The following CORO7 variants were observed in gnomAD, a reference collection of about 807,000 sequenced individuals.
The protein encoded by CORO7 is coronin-7.
CORO7 carries 107 observed loss-of-function variants against 126.6 expected under a neutral mutation model. The ratio of observed to expected loss-of-function variants is 0.85; its 90% CI spans 0.72 to 0.99. CORO7 has a LOEUF of 0.99. Among genes scored for constraint, CORO7 ranks in the 50% least tolerant of loss-of-function variants. CORO7 has a pLI of 0.00. For missense variants in CORO7, 1,314 were observed against 1,255.8 expected (o/e 1.05, Z -0.70); for synonymous variants, 603 against 536.8 (o/e 1.12, Z -1.70).
At chr16:4,388,737 A>G in intron 7 of CORO7, 106 bp from the exon 8 acceptor site, 1 of 1,241,462 alleles carries the variant, frequency 8.1e-7, no homozygotes, top group Non-Finnish European at 1.1e-6. Flanking sequence ...CCTGCCTGAA[A>G]GCCTCACAGA....
chr16:4,375,956 T>G (rs911616964), intron 9 of CORO7, among the ~76,000 whole-genome samples: 1 of 152,156 alleles, frequency 6.6e-6, no homozygotes, highest in Non-Finnish European at 1.5e-5. Flanking sequence ...ACAAAGCGTG[T>G]GAGTGCCTGA....
intron 5 of CORO7, among the ~76,000 whole-genome samples, chr16:4,406,421 G>A (rs1435494189): frequency 6.6e-6 from 1 of 152,094 alleles, no homozygotes; most frequent in Non-Finnish European, 1.5e-5. Context: ...TCAGCCTCTT[G>A]AGTACCTGGG....
At chr16:4,395,924 G>A (rs1157437039) in intron 6 of CORO7, among the ~76,000 whole-genome samples, 33 of 152,046 alleles carry the variant, frequency 2.2e-4, no homozygotes, top group East Asian at 2.1e-3. Context: ...AGAAAAAAAT[G>A]TACTGAAATA....
chr16:4,365,145 C>T, intron 10 of CORO7, 85 bp from the exon 11 acceptor site: 1 of 1,532,324 alleles, frequency 6.5e-7, no homozygotes, highest in Non-Finnish European at 8.8e-7. Flanking sequence ...CCACAGGTCC[C>T]CAAGGACCTG....
intron 7 of CORO7, 93 bp from the exon 8 acceptor site, chr16:4,388,724 C>T (rs1326964101): frequency 5.9e-6 from 8 of 1,354,138 alleles, no homozygotes; most frequent in Admixed American, 2.1e-5. Context: ...CTTCTGCTGC[C>T]CACCTGCCTG....
chr16:4,406,745 T>C lies in CORO7; in HGVS notation c.487+756A>G, dbSNP rs371588907. Reference sequence around the variant, plus strand: ...ACCTCTGCCTCCTGGGTTCAGGCAATTCTCCTGCCTCAGCCTCCTGAGTAG... The same window carrying C: ...ACCTCTGCCTCCTGGGTTCAGGCAACTCTCCTGCCTCAGCCTCCTGAGTAG... On this transcript the variant is annotated intron_variant, in intron 5 of 27. Transcript: ENST00000251166. Among the ~76,000 whole-genome samples the C allele has an allele frequency of 3.3e-5, 5 of 151,988 alleles. No homozygotes were observed. The East Asian group carries it at 7.7e-4, about 23-fold the overall frequency.
At chr16:4,356,985 A>G (rs2053995778) in intron 26 of CORO7, 183 bp downstream of exon 26, 1 of 815,374 alleles carries the variant, frequency 1.2e-6, no homozygotes, top group Admixed American at 2.6e-5. Context: ...GCCCTCCCCC[A>G]CTTCCCGGGC....
intron 2 of CORO7, 159 bp from the exon 3 acceptor site, chr16:4,412,589 T>G: frequency 1.4e-6 from 1 of 712,158 alleles, no homozygotes; most frequent in Non-Finnish European, 2.3e-6. Flanking sequence ...CAATGGCCTG[T>G]GGGTAGGTTC....
intron 2 of CORO7, chr16:4,412,973 C>T (rs1054742495): frequency 3.5e-6 from 1 of 288,316 alleles, no homozygotes; most frequent in Non-Finnish European, 6.5e-6. Context: ...CCTTTCTGTT[C>T]CTACTGTCCC....
chr16:4,378,221 A>G (rs1303993295), intron 9 of CORO7, among the ~76,000 whole-genome samples: 1 of 152,210 alleles, frequency 6.6e-6, no homozygotes, highest in Non-Finnish European at 1.5e-5. Flanking sequence ...GTGTGAGAGC[A>G]AAGTCACTGT....
At chr16:4,407,425 A>G (rs2056041017) in intron 5 of CORO7, 76 bp downstream of exon 5, 7 of 1,497,614 alleles carry the variant, frequency 4.7e-6, no homozygotes, top group Admixed American at 2.2e-5. Context: ...TTATGTGACT[A>G]AACATGCCAA....
At position 4,407,018 on chromosome 16, in the gene CORO7, G is replaced by C. The variant is rs188177049; in HGVS notation, c.487+483C>G. Among the ~76,000 whole-genome samples the C allele has an allele frequency of 1.0e-4, 15 of 148,322 alleles. 1 individual carries two copies. In the East Asian group the frequency reaches 2.8e-3, roughly 28 times the overall value. On this transcript the variant is annotated intron_variant, in intron 5 of 27. Transcript: ENST00000251166. ...GCTGGAGCGCAGTGGTGCAATCTCG[G>C]CTCACTGCAACCTCTGCCTCCTGGG...
At chr16:4,415,781 C>T (rs972234078) in intron 1 of CORO7, 1 of 985,690 alleles carries the variant, frequency 1.0e-6, no homozygotes. Flanking sequence ...ATCAGTCCTC[C>T]TGCCGTTTCG....
intron 9 of CORO7, chr16:4,382,085 TC>T: frequency 6.3e-7 from 1 of 1,584,242 alleles, no homozygotes. Flanking sequence ...GTAGGGCCTG[TC>T]CCCCAGCCCC....
At chr16:4,355,213 G>A (rs1171963499) in intron 27 of CORO7, 50 bp from the exon 28 acceptor site, 6 of 1,587,828 alleles carry the variant, frequency 3.8e-6, no homozygotes, top group Non-Finnish European at 5.2e-6. Flanking sequence ...GCCTGGGAAG[G>A]GAGGAGGCAT....
chr16:4,364,543 G>A (rs764841343), intron 13 of CORO7, 54 bp downstream of exon 13: 208 of 1,524,340 alleles, frequency 1.4e-4, no homozygotes, highest in Non-Finnish European at 1.0e-4. Context: ...ACAGCCACAC[G>A]GGGCTACCAG....
rs372067091 is a variant in CORO7, at chr16:4,364,590, G to A, written c.1137+7C>T. ...GGCTGGGAGAGGTGAGCCAGCCCTG[G>A]TCCTACCTGCTGGTTGTCCCCAGCC... On this transcript the variant is annotated splice_region_variant and intron_variant, in intron 13 of 27. Coordinates refer to ENST00000251166, the MANE Select transcript of CORO7 (RefSeq NM_024535.5). 1.9e-4 allele frequency: 291 copies of A among 1,553,714 alleles called. No homozygotes were observed. Among genetic ancestry groups the A allele is most frequent in the Non-Finnish European group, 2.4e-4 (278 of 1,149,604 alleles).
rs372810770 is a variant in CORO7 at position 4,412,381 on chromosome 16, G to A, written c.207C>T (p.Arg69=). Residue 69 remains arginine (R), a synonymous_variant, in exon 3 of 28, where the codon CGC becomes CGT. Transcript: ENST00000251166. Reference sequence around the variant, plus strand: ...CTGAATGGCAGCCCAGGTGGGCCACGCGTCGCTTGTCCTCTCCTTGGCCTT... The same window carrying A: ...CTGAATGGCAGCCCAGGTGGGCCACACGTCGCTTGTCCTCTCCTTGGCCTT... ...PLQGQGEDKR[R]VAHLGCHSDL... 38 of 1,614,062 alleles carry A rather than the reference G, an allele frequency of 2.4e-5. No individual in the cohort carries two copies. Among genetic ancestry groups the A allele is most frequent in the African/African-American group, 1.1e-4 (8 of 74,914 alleles).
At chr16:4,412,625 C>T (rs2056255309) in intron 2 of CORO7, 195 bp from the exon 3 acceptor site, 2 of 596,446 alleles carry the variant, frequency 3.4e-6, no homozygotes, top group East Asian at 2.8e-5. Context: ...GCCATCCATG[C>T]CTCAGATGGA....
Sources: allele counts gnomAD v4.1 joint callset (sites outside exome capture counted in the v4.1 genomes callset), GRCh38; gene constraint gnomAD v4.1.1; transcripts MANE v1.5; gene names NCBI Gene and HGNC (gene_info 2026-07-23, HGNC 2026-07-21).